The following KPNA2 variants were observed in gnomAD, a reference collection of about 807,000 sequenced individuals.
The protein encoded by KPNA2 is importin subunit alpha-1.
A neutral mutation model predicts 53.7 loss-of-function variants in KPNA2; 20 were observed. The observed-to-expected ratio is 0.37, with a 90% CI of 0.26 to 0.54. The LOEUF is 0.54. Among genes scored for constraint, KPNA2 ranks in the 20% least tolerant of loss-of-function variants. The pLI is 0.83. For missense variants in KPNA2, 515 were observed against 640.3 expected, an observed-to-expected ratio of 0.80 and a Z score of 2.11; for synonymous variants, 238 against 227.5, an observed-to-expected ratio of 1.05 and a Z score of -0.42.
At chr17:68,037,286 A>T (rs782175805) in intron 2 of KPNA2, 72 bp from the exon 3 acceptor site, 18 of 1,200,372 alleles carry the variant, frequency 1.5e-5, no homozygotes, top group Middle Eastern at 2.1e-4. Context: ...TGAGGTATTT[A>T]AAAAAAAAAT....
At chr17:68,045,454 A>G (rs182021538) in intron 9 of KPNA2, 42 of 221,750 alleles carry the variant, frequency 1.9e-4, no homozygotes, top group African/African-American at 9.1e-4. Context: ...CCCTGTTCCC[A>G]TAGCAGACCA....
chr17:68,037,799 CTTT>C (rs797028460), intron 3 of KPNA2, among the ~76,000 whole-genome samples: 1 of 142,542 alleles, frequency 7.0e-6, no homozygotes, highest in Non-Finnish European at 1.5e-5. Context: ...TTTATTTCTT[CTTT>C]TTTTTTTTTT....
At chr17:68,040,800 A>T in intron 4 of KPNA2, 34 bp downstream of exon 4, 4 of 1,361,290 alleles carry the variant, frequency 2.9e-6, no homozygotes, top group Non-Finnish European at 4.1e-6. Context: ...GGGTAGCCTA[A>T]GAAATTTGTG....
rs782787344 is a variant in KPNA2 at position 68,044,004 on chromosome 17, G to A, written c.1097G>A (p.Arg366His). The A allele has an allele frequency of 1.2e-5, 20 of 1,613,832 alleles. No individual in the cohort carries two copies. The highest frequency in any genetic ancestry group is 1.6e-4 in the Middle Eastern group (1 of 6,078). The change falls in exon 8 of 11, where the codon CGC (arginine) becomes CAC (histidine). Residue 366 changes from arginine (R) to histidine (H), a missense_variant. By Grantham distance (29) the Arg-to-His change is conservative. Coordinates refer to ENST00000330459, the MANE Select transcript of KPNA2 (RefSeq NM_002266.4). ...ACAATGTCAAACATCACAGCCGGCC[G>A]CCAGGACCAGATACAGCAAGTTGTG... Reference protein sequence around the residue: ...TWTMSNITAGRQDQIQQVVNH... With the variant: ...TWTMSNITAGHQDQIQQVVNH...
chr17:68,042,854 A>T (rs781817608), intron 5 of KPNA2, 51 bp from the exon 6 acceptor site: 2 of 1,382,962 alleles, frequency 1.4e-6, no homozygotes, highest in Non-Finnish European at 2.0e-6. Context: ...ACAGAGAGAA[A>T]CTCCGTCTCA....
rs1555705171 is a variant in KPNA2 at position 68,044,523 on chromosome 17, C to T, written c.1347+20C>T. On this transcript the variant is annotated intron_variant, in intron 9 of 10. Transcript: ENST00000330459. ...TTTCAGGTAAGTCCTATCAAGGTGG[C>T]TTTGTTTGAATTTGGACTTGATAAT... 2.5e-6 allele frequency: 4 copies of T among 1,599,996 alleles called. No homozygotes were observed. The highest frequency in any genetic ancestry group is 2.2e-5 in the East Asian group (1 of 44,784).
Position 68,043,214 on chromosome 17 carries a change from C to A in KPNA2, c.781C>A (p.His261Asn), listed in dbSNP as rs1406100612. Residue 261 changes from histidine (H) to asparagine (N), a missense_variant, in exon 7 of 11, where the codon CAT (histidine) becomes AAT (asparagine). Physicochemically the swap from His to Asn is moderately conservative, Grantham distance 68 (BLOSUM62 1). Coordinates refer to ENST00000330459, the MANE Select transcript of KPNA2 (RefSeq NM_002266.4). ...QILPTLVRLL[H>N]HDDPEVLADT... ...TCTTCCTACCTTAGTTCGGCTCCTG[C>A]ATCATGATGATCCAGAAGTATTAGC... 1.2e-6 allele frequency: 2 copies of A among 1,613,998 alleles called. No homozygotes were observed. Among genetic ancestry groups the A allele is most frequent in the Non-Finnish European group, 1.7e-6 (2 of 1,179,988 alleles).
At chr17:68,041,357 T>C (rs2071258154) in intron 4 of KPNA2, among the ~76,000 whole-genome samples, 1 of 148,926 alleles carries the variant, frequency 6.7e-6, no homozygotes, top group Non-Finnish European at 1.5e-5. Flanking sequence ...AGCCCAGGAG[T>C]TTGAGACCAG....
rs149130880 is a variant in KPNA2 at position 68,042,304 on chromosome 17, C to A, written c.522C>A (p.Pro174=). ...CATTCATTTCTCTGTTGGCATCTCC[C>A]CATGCTCACATCAGTGAACAAGCTG... The part of the protein sequence containing the change: ...IPAFISLLAS[P]HAHISEQAVW... The change falls in exon 5 of 11, where the codon CCC becomes CCA. Residue 174 remains proline, a synonymous_variant. Transcript: ENST00000330459. 6.2e-7 allele frequency: 1 copy of A among 1,614,012 alleles called. No individual in the cohort carries two copies.
intron 4 of KPNA2, 65 bp from the exon 5 acceptor site, chr17:68,042,020 G>A (rs2071265719): frequency 7.1e-7 from 1 of 1,407,420 alleles, no homozygotes; most frequent in South Asian, 1.3e-5. Context: ...TTTTATATTG[G>A]TTTTTACACA....
chr17:68,036,916 C>T (rs1252357188), intron 1 of KPNA2, 194 bp from the exon 2 acceptor site: 2 of 488,266 alleles, frequency 4.1e-6, no homozygotes, highest in South Asian at 5.5e-5. Flanking sequence ...TCCAGGAAGT[C>T]TCAGCCCTTT....
Position 68,045,878 on chromosome 17 carries a change from A to G in KPNA2, c.1454A>G (p.Tyr485Cys). ...ALQNHENESV[Y>C]KASLSLIEKY... ...CAAAACCATGAAAATGAGTCTGTGTATAAGGCTTCGTTAAGCTTAATTGAG... is the reference window on the plus strand; with the variant it reads ...CAAAACCATGAAAATGAGTCTGTGTGTAAGGCTTCGTTAAGCTTAATTGAG... The change falls in exon 10 of 11, where the codon TAT (tyrosine) becomes TGT (cysteine). Residue 485 changes from tyrosine to cysteine, a missense_variant. Tyr to Cys is a radical substitution (Grantham distance 194). Transcript: ENST00000330459. 1.2e-6 allele frequency: 2 copies of G among 1,602,980 alleles called. No individual in the cohort carries two copies. Among genetic ancestry groups the G allele is most frequent in the Admixed American group, 1.7e-5 (1 of 58,848 alleles).
intron 8 of KPNA2, 72 bp from the exon 9 acceptor site, chr17:68,044,249 T>C: frequency 6.9e-7 from 1 of 1,447,630 alleles, no homozygotes; most frequent in Non-Finnish European, 9.5e-7. Context: ...TCATTGTTTT[T>C]GTGAAAAAGT....
chr17:68,042,000 T>G (rs1405433987), intron 4 of KPNA2, 85 bp from the exon 5 acceptor site: 1 of 1,207,570 alleles, frequency 8.3e-7, no homozygotes, highest in African/African-American at 1.5e-5. Flanking sequence ...TTCTAAACTC[T>G]TGAATTGCAT....
chr17:68,037,515 T>A lies in KPNA2; in HGVS notation c.213+20T>A. ...AACCAGGTAAAAAATGTATTTTAGT[T>A]TATGAGTTACGTGAAATCCAGAAAA... On this transcript the variant is annotated intron_variant, in intron 3 of 10. Coordinates refer to ENST00000330459, the MANE Select transcript of KPNA2 (RefSeq NM_002266.4). The A allele has an allele frequency of 6.2e-7, 1 of 1,606,412 alleles. No individual in the cohort carries two copies.
At chr17:68,037,705 C>A (rs1267201209) in intron 3 of KPNA2, among the ~76,000 whole-genome samples, 1 of 152,184 alleles carries the variant, frequency 6.6e-6, no homozygotes, top group Non-Finnish European at 1.5e-5. Flanking sequence ...TTAGCTCTGA[C>A]CTTCCTTCAG....
At chr17:68,039,367 C>T (rs532512206) in intron 3 of KPNA2, among the ~76,000 whole-genome samples, 5 of 151,670 alleles carry the variant, frequency 3.3e-5, no homozygotes, top group East Asian at 2.0e-4. Context: ...GTGATCCACC[C>T]GCCTCGGCCT....
chr17:68,040,791 G>T, intron 4 of KPNA2, 25 bp downstream of exon 4: 2 of 1,527,176 alleles, frequency 1.3e-6, no homozygotes, highest in South Asian at 1.1e-5. Flanking sequence ...CGATAGCATG[G>T]GTAGCCTAAG....
rs143212114 is a variant in KPNA2 at position 68,046,068 on chromosome 17, C to A, written c.1497+147C>A. 5.4e-4 allele frequency: 277 copies of A among 516,918 alleles called. 3 individuals are homozygous for A. The East Asian group carries it at 8.3e-3, about 16-fold the overall frequency. The allele number at this position is 516,918 out of a possible 1,614,324, so 32.0% of individuals were successfully genotyped here. On this transcript the variant is annotated intron_variant, in intron 10 of 10. Coordinates refer to ENST00000330459, the MANE Select transcript of KPNA2 (RefSeq NM_002266.4). The stretch of plus-strand genomic sequence containing the variant: ...CATGGGACATAATGTACTTATTTGC[C>A]CCTCTAGTTTGGCTTGATGGTAATA...
Sources: allele counts gnomAD v4.1 joint callset (sites outside exome capture counted in the v4.1 genomes callset), GRCh38; gene constraint gnomAD v4.1.1; transcripts MANE v1.5; gene names NCBI Gene and HGNC (gene_info 2026-07-23, HGNC 2026-07-21).